WDR7: variants seen among roughly 807,000 people sequenced by gnomAD.
The protein encoded by WDR7 is WD repeat domain 7, also known as WD repeat-containing protein 7.
In WDR7, 46 loss-of-function variants were observed where a neutral mutation model predicts 169.4. The ratio of observed to expected loss-of-function variants is 0.27; its 90% confidence interval spans 0.21 to 0.35. The LOEUF (loss-of-function observed/expected upper bound fraction) is 0.35. Among genes scored for constraint, WDR7 ranks in the 10% least tolerant of loss-of-function variants. WDR7 has a pLI of 1.00. For missense variants in WDR7, 1,534 were observed against 1,859.3 expected, an observed-to-expected ratio of 0.83 and a Z score of 3.22; for synonymous variants, 612 against 666.8, an observed-to-expected ratio of 0.92 and a Z score of 1.27.
chr18:56,665,154 C>T (rs2024989890), intron 1 of WDR7, among the ~76,000 whole-genome samples: 1 of 151,810 alleles, frequency 6.6e-6, no homozygotes. Flanking sequence ...TTAGTTAGGA[C>T]TAGTAGCGGG....
rs765154534 is a variant in WDR7, at chr18:56,756,806, G to T, written c.2213G>T (p.Arg738Leu). 2 of 1,613,986 alleles carry T rather than the reference G, an allele frequency of 1.2e-6. No homozygotes were observed. The highest frequency in any genetic ancestry group is 2.2e-5 in the South Asian group (2 of 91,066). ...DKGGSFLTGK[R>L]AAVLFQQVKE... ...GGGGGCTCTTTTTTAACTGGAAAAC[G>T]AGCAGCAGTTCTCTTCCAACAAGTG... The change falls in exon 15 of 28, where the codon CGA becomes CTA. Residue 738 changes from arginine (R) to leucine (L), a missense_variant. By Grantham distance (102) the Arg-to-Leu change is moderately radical. Coordinates refer to ENST00000254442, the MANE Select transcript of WDR7 (RefSeq NM_015285.3).
intron 20 of WDR7, among the ~76,000 whole-genome samples, chr18:56,820,930 CT>C (rs2045084491): frequency 2.0e-5 from 3 of 152,020 alleles, no homozygotes; most frequent in Admixed American, 2.0e-4. Context: ...ATGATTTGAC[CT>C]TTCATTCAAA....
intron 14 of WDR7, among the ~76,000 whole-genome samples, chr18:56,736,200 T>G (rs551103272): frequency 9.9e-4 from 150 of 152,276 alleles, no homozygotes; most frequent in African/African-American, 3.3e-3. Context: ...AGACATGTGC[T>G]TCCCTCATTT....
intron 14 of WDR7, among the ~76,000 whole-genome samples, chr18:56,745,122 T>A (rs1423839577): frequency 7.0e-6 from 1 of 142,164 alleles, no homozygotes; most frequent in Non-Finnish European, 1.5e-5. Context: ...GATTCATACA[T>A]GCCTTATGAA....
intron 27 of WDR7, among the ~76,000 whole-genome samples, chr18:57,021,501 A>G (rs1568317446): frequency 6.6e-6 from 1 of 152,166 alleles, no homozygotes; most frequent in East Asian, 1.9e-4. Context: ...CCCACATAAT[A>G]CTCATAATGC....
chr18:56,948,841 T>G (rs2047142322), intron 25 of WDR7, among the ~76,000 whole-genome samples: 2 of 152,204 alleles, frequency 1.3e-5, no homozygotes. Flanking sequence ...GGGGCACACA[T>G]GGAGTTCAGC....
intron 17 of WDR7, 126 bp from the exon 18 acceptor site, chr18:56,779,305 A>G (rs1473015263): frequency 1.7e-6 from 1 of 602,868 alleles, no homozygotes; most frequent in African/African-American, 1.9e-5. Flanking sequence ...TATTAAATTG[A>G]AATCATTTGT....
intron 26 of WDR7, among the ~76,000 whole-genome samples, chr18:57,001,862 G>T (rs1162148436): frequency 6.6e-6 from 1 of 152,068 alleles, no homozygotes; most frequent in Non-Finnish European, 1.5e-5. Flanking sequence ...ATTTCAATCT[G>T]TTTCCTTACT....
intron 2 of WDR7, among the ~76,000 whole-genome samples, chr18:56,675,082 A>G: frequency 6.6e-6 from 1 of 152,154 alleles, no homozygotes; most frequent in South Asian, 2.1e-4. Context: ...TGTCCTAATT[A>G]CCGTTGTTTT....
intron 20 of WDR7, among the ~76,000 whole-genome samples, chr18:56,843,887 G>A (rs1234955516): frequency 6.8e-6 from 1 of 147,112 alleles, no homozygotes; most frequent in African/African-American, 2.5e-5. Context: ...TTTTGAGATG[G>A]AGTCTCGCTG....
intron 21 of WDR7, among the ~76,000 whole-genome samples, chr18:56,883,209 C>CA (rs767585796): frequency 0.038 from 2,049 of 54,244 alleles, 48 homozygotes; most frequent in African/African-American, 0.059. Flanking sequence ...GACTCCGTCT[C>CA]AAAAAAAAAA....
intron 13 of WDR7, chr18:56,721,348 T>C (rs903057299): frequency 6.6e-6 from 1 of 152,200 alleles, no homozygotes; most frequent in African/African-American, 2.4e-5. Context: ...TTTCAGTTTA[T>C]AGTTCCCTGT....
rs538694193 is a variant in WDR7 at position 56,755,183 on chromosome 18, C to T, written c.1990-1400C>T. 2.6e-5 allele frequency among the ~76,000 whole-genome samples: 4 copies of T among 151,838 alleles called. No homozygotes were observed. In the South Asian group the frequency reaches 6.2e-4, roughly 24 times the overall value. ...CTCTTCATTAGTCCTATTTCTGGAA[C>T]ATTTTATTCCTATTTTTTAGTTGTC... On this transcript the variant is annotated intron_variant, in intron 14 of 27. Coordinates refer to ENST00000254442, the MANE Select transcript of WDR7 (RefSeq NM_015285.3).
At chr18:56,879,032 T>C (rs1308046388) in intron 20 of WDR7, among the ~76,000 whole-genome samples, 4 of 152,222 alleles carry the variant, frequency 2.6e-5, no homozygotes, top group African/African-American at 9.6e-5. Flanking sequence ...TCTTTATTCT[T>C]CAGTTGATGG....
At chr18:56,794,995 A>G (rs1387196743) in intron 19 of WDR7, among the ~76,000 whole-genome samples, 1 of 152,196 alleles carries the variant, frequency 6.6e-6, no homozygotes, top group Non-Finnish European at 1.5e-5. Context: ...TTTGTTAGCT[A>G]GAATACTTCT....
intron 21 of WDR7, among the ~76,000 whole-genome samples, chr18:56,920,117 T>G (rs1219086583): frequency 6.6e-6 from 1 of 152,190 alleles, no homozygotes; most frequent in East Asian, 1.9e-4. Context: ...AGCCATGTTT[T>G]ACTACATGTA....
chr18:56,859,618 C>T (rs1433299376), intron 20 of WDR7, among the ~76,000 whole-genome samples: 1 of 152,110 alleles, frequency 6.6e-6, no homozygotes. Context: ...CCCTAGTATG[C>T]CTTCCCACCC....
Position 56,679,325 on chromosome 18 carries a change from T to C in WDR7, c.160-7T>C. The stretch of plus-strand genomic sequence containing the variant: ...GTACTTAAACTAGCATATTTTTGCA[T>C]TTCTAGATTAATCCTCGAGCACTGT... On this transcript the variant is annotated splice_region_variant and splice_polypyrimidine_tract_variant and intron_variant, in intron 2 of 27. Transcript: ENST00000254442. 6.2e-7 allele frequency: 1 copy of C among 1,604,324 alleles called. No homozygotes were observed. Among genetic ancestry groups the C allele is most frequent in the Non-Finnish European group, 8.5e-7 (1 of 1,173,108 alleles).
chr18:57,031,897 A>T (rs1485011871), downstream of WDR7: 1 of 152,234 alleles, frequency 6.6e-6, no homozygotes, highest in Admixed American at 6.5e-5. Flanking sequence ...AGGAGACAGG[A>T]GTCCTAATTG....
Sources: gnomAD v4.1 joint callset for allele counts (sites outside exome capture counted in the v4.1 genomes callset) on GRCh38, gnomAD v4.1.1 for gene constraint, MANE v1.5 for transcripts, NCBI Gene and HGNC (gene_info 2026-07-23, HGNC 2026-07-21) for gene names.